Variants in CFAP99 observed in about 807,000 individuals in gnomAD.
CFAP99 encodes the protein cilia- and flagella-associated protein 99.
CFAP99 carries 84 observed loss-of-function variants against 82.7 expected under a neutral mutation model. The observed-to-expected ratio is 1.02, with a 90% CI of 0.85 to 1.22. The LOEUF (loss-of-function observed/expected upper bound fraction) is 1.22, where lower values mean the gene tolerates loss of function less well. Among genes scored for constraint, CFAP99 ranks in the 50% most tolerant of loss-of-function variants. The pLI is 0.00. For synonymous variants in CFAP99, 456 were observed against 429.5 expected, an observed-to-expected ratio of 1.06 and a Z score of -0.76; for missense variants, 1,059 against 983.5, an observed-to-expected ratio of 1.08 and a Z score of -1.03.
chr4:2,460,609 T>C (rs910265314), intron 14 of CFAP99, among the ~76,000 whole-genome samples: 4 of 152,262 alleles, frequency 2.6e-5, no homozygotes, highest in African/African-American at 7.2e-5. Flanking sequence ...ATACATCTTC[T>C]AAAAAAATAG....
chr4:2,443,552 GCCGGCC>G (rs1053031510), intron 5 of CFAP99, among the ~76,000 whole-genome samples: 4 of 152,238 alleles, frequency 2.6e-5, no homozygotes, highest in Admixed American at 2.0e-4. Flanking sequence ...ATGGGGCAGA[GCCGGCC>G]CTTCTGTGCT....
intron 14 of CFAP99, among the ~76,000 whole-genome samples, chr4:2,461,442 G>A (rs762771857): frequency 6.6e-6 from 1 of 152,216 alleles, no homozygotes; most frequent in Non-Finnish European, 1.5e-5. Context: ...TGGAGGGGCC[G>A]CTGCTCTGGT....
In CFAP99 at chr4:2,459,901, G is replaced by T. The variant is rs1044697708; in HGVS notation, c.1456-136G>T. ...GGAGCCCAGGCTGGAGAGGCTGGGGGCATGTTTCATAAGCAGTGTTGAAGC... is the reference window on the plus strand; with the variant it reads ...GGAGCCCAGGCTGGAGAGGCTGGGGTCATGTTTCATAAGCAGTGTTGAAGC... On this transcript the variant is annotated intron_variant, in intron 13 of 14. Coordinates refer to ENST00000635017, the Ensembl canonical transcript of CFAP99. 9 of 743,360 alleles carry T rather than the reference G, an allele frequency of 1.2e-5. No homozygotes were observed. In the African/African-American group the frequency reaches 1.6e-4, roughly 13 times the overall value. 46.0% of individuals were successfully genotyped at this position (743,360 alleles called of 1,614,324 possible). A position where few individuals can be genotyped will look rare whatever the true frequency, so the allele number is the denominator to read the frequency against.
At chr4:2,449,735 C>T in exon 7 of CFAP99, 1 of 1,536,176 alleles carries the variant, frequency 6.5e-7, no homozygotes, top group South Asian at 1.2e-5. Flanking sequence ...AGAGGTACAA[C>T]CGCCGAAAGG....
chr4:2,436,811 C>T, intron 2 of CFAP99, 63 bp from the exon 3 acceptor site: 1 of 1,352,492 alleles, frequency 7.4e-7, no homozygotes, highest in Non-Finnish European at 1.0e-6. Context: ...AAGTGTCCCA[C>T]CCCCACCGCC....
chr4:2,423,109 C>T (rs902994903), intron 1 of CFAP99, among the ~76,000 whole-genome samples: 7 of 152,234 alleles, frequency 4.6e-5, no homozygotes, highest in African/African-American at 1.7e-4. Flanking sequence ...GCCCCCACTG[C>T]TCTCAGCAAT....
At chr4:2,436,320 T>G (rs189107408) in intron 2 of CFAP99, among the ~76,000 whole-genome samples, 2 of 152,284 alleles carry the variant, frequency 1.3e-5, no homozygotes, top group East Asian at 3.9e-4. Context: ...TTTGGTTATT[T>G]TTTAATTCAT....
intron 11 of CFAP99, among the ~76,000 whole-genome samples, chr4:2,457,740 C>T (rs1734470638): frequency 6.6e-6 from 1 of 152,144 alleles, no homozygotes; most frequent in Non-Finnish European, 1.5e-5. Flanking sequence ...GCCCTCTTTT[C>T]CTTCTTCCCC....
intron 14 of CFAP99, among the ~76,000 whole-genome samples, chr4:2,461,246 G>A (rs1734614242): frequency 6.6e-6 from 1 of 152,218 alleles, no homozygotes. Context: ...CTGGGGTCAG[G>A]CTGGCCTCTG....
chr4:2,443,167 C>T, exon 5 of CFAP99: 11 of 1,535,448 alleles, frequency 7.2e-6, no homozygotes, highest in Non-Finnish European at 9.6e-6. Flanking sequence ...CACCTGTGCT[C>T]ATGGATCAAG....
At chr4:2,447,001 C>T (rs970425963) in intron 6 of CFAP99, among the ~76,000 whole-genome samples, 6 of 145,002 alleles carry the variant, frequency 4.1e-5, no homozygotes, top group East Asian at 2.1e-4. Flanking sequence ...GATGGGTGGG[C>T]GAATGAATGG....
Position 2,445,393 on chromosome 4 carries a change from G to T in CFAP99, c.642+85G>T, listed in dbSNP as rs541943110. On this transcript the variant is annotated intron_variant, in intron 6 of 14. Transcript: ENST00000635017. The stretch of plus-strand genomic sequence containing the variant: ...AGAGTGGACTGTGTGGGCCTGTGGG[G>T]GACTGGGCTCCCCCCAGGGCTGAGG... The T allele has an allele frequency of 4.4e-5, 52 of 1,181,294 alleles. No individual in the cohort carries two copies. In the South Asian group the frequency reaches 1.6e-3, roughly 36 times the overall value. The allele number at this position is 1,181,294 out of a possible 1,614,324, so 73.2% of individuals were successfully genotyped here.
Position 2,458,802 on chromosome 4 carries a change from TAG to T in CFAP99, c.1244_1245del (p.Glu415GlyfsTer47). 6.5e-7 allele frequency: 1 copy of T among 1,535,752 alleles called. No individual in the cohort carries two copies. ...AGGAAGGAGCTGGTGGAGCAGGTGATAGAGGGGCAGAAGAACGCCAAGGCGGC... is the reference window on the plus strand; with the variant it reads ...AGGAAGGAGCTGGTGGAGCAGGTGATAGGGGCAGAAGAACGCCAAGGCGGC... On this transcript the variant is annotated frameshift_variant, in exon 12 of 15. Coordinates refer to ENST00000635017, the Ensembl canonical transcript of CFAP99. LOFTEE classifies it high-confidence loss of function.
At chr4:2,422,279 C>A (rs1266212241) in intron 1 of CFAP99, among the ~76,000 whole-genome samples, 1 of 152,154 alleles carries the variant, frequency 6.6e-6, no homozygotes, top group African/African-American at 2.4e-5. Flanking sequence ...GAGGCCCCGC[C>A]CCAGGGACCT....
At chr4:2,433,522 A>T (rs1414439286) in intron 2 of CFAP99, among the ~76,000 whole-genome samples, 4 of 152,012 alleles carry the variant, frequency 2.6e-5, no homozygotes, top group African/African-American at 9.7e-5. Flanking sequence ...TTGAGATCAG[A>T]GCCAGCCCCC....
At position 2,446,480 on chromosome 4, in the gene CFAP99, C is replaced by A. The variant is rs1250740673; in HGVS notation, c.642+1172C>A. Among the ~76,000 whole-genome samples the A allele has an allele frequency of 6.6e-6, 1 of 152,098 alleles. No individual in the cohort carries two copies. Among genetic ancestry groups the A allele is most frequent in the Non-Finnish European group, 1.5e-5 (1 of 68,040 alleles). On this transcript the variant is annotated intron_variant, in intron 6 of 14. Coordinates refer to ENST00000635017, the Ensembl canonical transcript of CFAP99. This position sits in a 1 kb window ranked among gnomAD's most constrained non-coding sequence, Gnocchi z 5.0. The stretch of plus-strand genomic sequence containing the variant: ...CGATCTTGGCTCACTGCAACCTCTG[C>A]CTCCTAGGTTTAAGTGATTCTCCTG...
At chr4:2,453,634 C>T (rs996682309) in intron 11 of CFAP99, among the ~76,000 whole-genome samples, 2 of 131,312 alleles carry the variant, frequency 1.5e-5, no homozygotes, top group African/African-American at 3.0e-5. Context: ...TGAATTTGAG[C>T]AAATGTCCAC....
At chr4:2,419,859 T>C (rs756625621) in intron 1 of CFAP99, among the ~76,000 whole-genome samples, 2 of 152,272 alleles carry the variant, frequency 1.3e-5, no homozygotes, top group Middle Eastern at 3.4e-3. Flanking sequence ...AAAACCCCTC[T>C]GGAGTTTCCC....
chr4:2,460,080 T>C (rs1457999165), exon 14 of CFAP99: 36 of 1,536,016 alleles, frequency 2.3e-5, no homozygotes, highest in Non-Finnish European at 3.0e-5. Flanking sequence ...ATAGTGGAGC[T>C]GCGAGAGCGG....
Sources: allele counts gnomAD v4.1 joint callset (sites outside exome capture counted in the v4.1 genomes callset), GRCh38; gene constraint gnomAD v4.1.1; non-coding constraint Gnocchi (gnomAD v3.1); transcripts MANE v1.5; gene names NCBI Gene and HGNC (gene_info 2026-07-23, HGNC 2026-07-21).